Variants in TADA2A observed in about 807,000 individuals in gnomAD.
TADA2A encodes the protein transcriptional adapter 2-alpha.
TADA2A carries 38 observed loss-of-function variants against 67.4 expected under a neutral mutation model. The observed-to-expected ratio is 0.56, with a 90% CI of 0.44 to 0.74. TADA2A has a LOEUF of 0.74. TADA2A is among the 30% of genes least tolerant of loss of function. TADA2A has a pLI of 0.00. For synonymous variants in TADA2A, 192 were observed against 181.6 expected (o/e 1.06, Z -0.46); for missense variants, 454 against 547.0 (o/e 0.83, Z 1.70).
Position 37,442,434 on chromosome 17 carries a change from A to G in TADA2A, c.443-130A>G. Reference sequence around the variant, plus strand: ...TTCTTTTTAAAAAACCTGTTTTCATAATACTTTATCTTTTTCACATTTCCT... The same window carrying G: ...TTCTTTTTAAAAAACCTGTTTTCATGATACTTTATCTTTTTCACATTTCCT... On this transcript the variant is annotated intron_variant, in intron 6 of 15. Transcript: ENST00000615182. 4 of 686,008 alleles carry G rather than the reference A, an allele frequency of 5.8e-6. No individual in the cohort carries two copies. In the South Asian group the frequency reaches 1.2e-4, roughly 21 times the overall value. The allele number at this position is 686,008 out of a possible 1,614,324, so 42.5% of individuals were successfully genotyped here.
At chr17:37,458,730 G>T in intron 9 of TADA2A, 143 bp downstream of exon 9, 1 of 602,812 alleles carries the variant, frequency 1.7e-6, no homozygotes. Flanking sequence ...AGGCTGGAGA[G>T]CAGCAGCACA....
intron 2 of TADA2A, among the ~76,000 whole-genome samples, chr17:37,412,215 A>G (rs1239001688): frequency 7.6e-6 from 1 of 130,746 alleles, no homozygotes; most frequent in African/African-American, 2.8e-5. Flanking sequence ...TGTCTCAAAA[A>G]AAGAAAAAAA....
At chr17:37,454,688 A>G in intron 8 of TADA2A, 1 of 315,612 alleles carries the variant, frequency 3.2e-6, no homozygotes, top group African/African-American at 2.2e-5. Flanking sequence ...TCAAAAGAAA[A>G]GAACCTGCTG....
At chr17:37,435,627 G>A (rs968050355) in intron 4 of TADA2A, among the ~76,000 whole-genome samples, 16 of 150,846 alleles carry the variant, frequency 1.1e-4, no homozygotes, top group African/African-American at 3.2e-4. Flanking sequence ...TTGCCCAGGC[G>A]GGAGAGCAGT....
At chr17:37,412,218 G>C in intron 2 of TADA2A, among the ~76,000 whole-genome samples, 2 of 106,654 alleles carry the variant, frequency 1.9e-5, no homozygotes, top group Non-Finnish European at 4.1e-5. Flanking sequence ...CTCAAAAAAA[G>C]AAAAAAAAAA....
At chr17:37,453,559 A>G (rs1168606172) in intron 8 of TADA2A, among the ~76,000 whole-genome samples, 1 of 152,144 alleles carries the variant, frequency 6.6e-6, no homozygotes, top group Non-Finnish European at 1.5e-5. Flanking sequence ...ATAAGATTTT[A>G]TTTGAACATA....
At position 37,426,991 on chromosome 17, in the gene TADA2A, T is replaced by A. The variant is rs1202611869; in HGVS notation, c.174T>A (p.Asp58Glu). 6.3e-7 allele frequency: 1 copy of A among 1,592,772 alleles called. No homozygotes were observed. Among genetic ancestry groups the A allele is most frequent in the Non-Finnish European group, 8.5e-7 (1 of 1,171,456 alleles). ...TTGAGTACAAGAAACATCAAAGCGATCATACTTATGAAATAATGGTAATGA... is the reference window on the plus strand; with the variant it reads ...TTGAGTACAAGAAACATCAAAGCGAACATACTTATGAAATAATGGTAATGA... ...RGFEYKKHQS[D>E]HTYEIMTSDF... Residue 58 changes from aspartate (D) to glutamate (E), a missense_variant, in exon 4 of 16, where the codon GAT becomes GAA. Physicochemically the swap from Asp to Glu is conservative, Grantham distance 45. This residue lies in a region of TADA2A where 403 missense variants were observed against 455.5 expected (regional missense o/e 0.88). Transcript: ENST00000615182.
At chr17:37,448,383 T>C (rs2053140249) in intron 8 of TADA2A, among the ~76,000 whole-genome samples, 1 of 152,230 alleles carries the variant, frequency 6.6e-6, no homozygotes, top group African/African-American at 2.4e-5. Context: ...AAATGTATAC[T>C]GCAAGTGAAG....
chr17:37,418,120 A>G (rs147233560), intron 2 of TADA2A, among the ~76,000 whole-genome samples: 7 of 152,312 alleles, frequency 4.6e-5, no homozygotes, highest in African/African-American at 1.7e-4. Flanking sequence ...AAAACAAAAT[A>G]CATTCTCCTC....
chr17:37,468,929 C>T (rs1437542495), intron 12 of TADA2A, among the ~76,000 whole-genome samples: 1 of 151,294 alleles, frequency 6.6e-6, no homozygotes, highest in African/African-American at 2.4e-5. Flanking sequence ...GAGACGGAGT[C>T]TGGCTCTGTT....
intron 1 of TADA2A, among the ~76,000 whole-genome samples, chr17:37,407,679 C>T (rs913468019): frequency 1.3e-5 from 2 of 151,440 alleles, no homozygotes; most frequent in Non-Finnish European, 2.9e-5. Flanking sequence ...GTGGCACGAT[C>T]GCGGCTCACT....
chr17:37,418,910 TG>T (rs1164786153), intron 2 of TADA2A, among the ~76,000 whole-genome samples: 11 of 120,972 alleles, frequency 9.1e-5, no homozygotes, highest in Non-Finnish European at 1.2e-4. Context: ...TTATTATTTT[TG>T]GTAGAAGCAG....
At chr17:37,461,963 C>G in intron 9 of TADA2A, 115 bp from the exon 10 acceptor site, 2 of 815,870 alleles carry the variant, frequency 2.5e-6, no homozygotes, top group Non-Finnish European at 3.9e-6. Flanking sequence ...TTCTTTGGAC[C>G]TCTGTATTGT....
chr17:37,454,440 G>C (rs1007353713), intron 8 of TADA2A: 1 of 152,580 alleles, frequency 6.6e-6, no homozygotes, highest in Non-Finnish European at 1.5e-5. Context: ...GATTACAGGC[G>C]CCTGCTACCA....
intron 10 of TADA2A, among the ~76,000 whole-genome samples, chr17:37,464,145 A>G (rs914084104): frequency 6.6e-6 from 1 of 152,192 alleles, no homozygotes; most frequent in East Asian, 1.9e-4. Context: ...TTCTTTGCAG[A>G]TACATCTTTG....
At chr17:37,431,537 A>G (rs567194428) in intron 4 of TADA2A, among the ~76,000 whole-genome samples, 1 of 151,928 alleles carries the variant, frequency 6.6e-6, no homozygotes, top group Admixed American at 6.6e-5. Context: ...CTCGTGGCCA[A>G]TCTTACTTTA....
At chr17:37,419,778 CA>C (rs34588213) in intron 2 of TADA2A, among the ~76,000 whole-genome samples, 50,489 of 123,518 alleles carry the variant, frequency 0.41, 12,619 homozygotes, top group East Asian at 0.73. Flanking sequence ...GACACTGTCT[CA>C]AAAAAAAAAA....
intron 8 of TADA2A, among the ~76,000 whole-genome samples, chr17:37,448,120 CATT>C: frequency 6.6e-6 from 1 of 152,266 alleles, no homozygotes; most frequent in Admixed American, 6.5e-5. Flanking sequence ...GCATTAACAA[CATT>C]ATTTTTATGG....
intron 7 of TADA2A, 74 bp downstream of exon 7, chr17:37,442,726 A>T (rs1171049991): frequency 2.5e-5 from 34 of 1,357,374 alleles, no homozygotes; most frequent in Admixed American, 1.2e-4. Context: ...TGTCTCACCC[A>T]TAGATTCCAT....
Sources: gnomAD v4.1 joint callset for allele counts (sites outside exome capture counted in the v4.1 genomes callset) on GRCh38, gnomAD v4.1.1 for gene constraint, gnomAD v4.1.1 regional missense constraint, MANE v1.5 for transcripts, NCBI Gene and HGNC (gene_info 2026-07-23, HGNC 2026-07-21) for gene names.